The following IL1RAP variants were observed in gnomAD, a reference collection of about 807,000 sequenced individuals.
IL1RAP encodes interleukin 1 receptor accessory protein, also known as interleukin-1 receptor accessory protein.
IL1RAP carries 35 observed loss-of-function variants against 60.7 expected under a neutral mutation model. That is an observed-to-expected ratio of 0.58 (90% confidence interval 0.44 to 0.76). The LOEUF (loss-of-function observed/expected upper bound fraction) is 0.76, where lower values mean the gene tolerates loss of function less well. IL1RAP is among the 30% of genes least tolerant of loss of function. The pLI, the probability that IL1RAP is intolerant of heterozygous loss-of-function variation, is 0.00. For missense variants in IL1RAP, 572 were observed against 693.9 expected (o/e 0.82, Z 1.97); for synonymous variants, 268 against 250.9 (o/e 1.07, Z -0.64).
chr3:190,620,469 A>G, intron 6 of IL1RAP, 29 bp downstream of exon 6: 2 of 1,563,366 alleles, frequency 1.3e-6, no homozygotes, highest in Non-Finnish European at 1.7e-6. Context: ...CAGTACACAC[A>G]ACAAGCATGT....
At chr3:190,606,437 T>C (rs1329622671) in intron 4 of IL1RAP, among the ~76,000 whole-genome samples, 1 of 152,222 alleles carries the variant, frequency 6.6e-6, no homozygotes, top group African/African-American at 2.4e-5. Context: ...TTGATAACTG[T>C]TCATCTGTTA....
chr3:190,639,058 T>C lies in IL1RAP; in HGVS notation c.1052-5190T>C, dbSNP rs994284272. On this transcript the variant is annotated intron_variant, in intron 9 of 11. Coordinates refer to ENST00000447382, the MANE Select transcript of IL1RAP (RefSeq NM_002182.4). ...TGGCAGATTTTAAGATCACCTTTTCTTTATTGATTTTGAAAATCAAATTAT... is the reference window on the plus strand; with the variant it reads ...TGGCAGATTTTAAGATCACCTTTTCCTTATTGATTTTGAAAATCAAATTAT... 3.3e-5 allele frequency among the ~76,000 whole-genome samples: 5 copies of C among 152,220 alleles called. No individual in the cohort carries two copies. The East Asian group carries it at 9.6e-4, about 29-fold the overall frequency.
intron 10 of IL1RAP, among the ~76,000 whole-genome samples, 177 bp downstream of exon 10, chr3:190,644,574 C>T (rs889512140): frequency 6.6e-6 from 1 of 152,142 alleles, no homozygotes; most frequent in Non-Finnish European, 1.5e-5. Flanking sequence ...GATTATTATT[C>T]TATTTTCTTG....
At chr3:190,598,179 G>A (rs927367776) in intron 3 of IL1RAP, among the ~76,000 whole-genome samples, 4 of 152,164 alleles carry the variant, frequency 2.6e-5, no homozygotes, top group Non-Finnish European at 5.9e-5. Flanking sequence ...TCCAAAAAGT[G>A]CAGTCTTCAG....
At chr3:190,595,682 G>A (rs915274954) in intron 3 of IL1RAP, among the ~76,000 whole-genome samples, 1 of 152,160 alleles carries the variant, frequency 6.6e-6, no homozygotes, top group Admixed American at 6.5e-5. Flanking sequence ...ATCCGCATTG[G>A]TTTCTAGTTT....
intron 1 of IL1RAP, among the ~76,000 whole-genome samples, chr3:190,545,064 C>G (rs1315540203): frequency 6.6e-6 from 1 of 152,150 alleles, no homozygotes; most frequent in Admixed American, 6.5e-5. Context: ...CTCTATTTAC[C>G]TACCAGGATT....
chr3:190,588,869 C>T (rs370231807), intron 3 of IL1RAP, among the ~76,000 whole-genome samples: 10 of 152,268 alleles, frequency 6.6e-5, no homozygotes, highest in African/African-American at 2.4e-4. Flanking sequence ...TAACCCCTGA[C>T]ATACCAAGAG....
chr3:190,524,005 T>G (rs370036902), intron 1 of IL1RAP, among the ~76,000 whole-genome samples: 1 of 152,222 alleles, frequency 6.6e-6, no homozygotes, highest in African/African-American at 2.4e-5. Context: ...TGTTCCTTTT[T>G]CTCTGCAACC....
chr3:190,614,191 T>G (rs73062226), intron 5 of IL1RAP, among the ~76,000 whole-genome samples: 8,804 of 150,474 alleles, frequency 0.059, 435 homozygotes, highest in African/African-American at 0.13. Flanking sequence ...CATAGACTTA[T>G]TTGCATTACT....
chr3:190,561,000 C>T (rs950804124), intron 2 of IL1RAP, among the ~76,000 whole-genome samples: 2 of 152,068 alleles, frequency 1.3e-5, no homozygotes, highest in East Asian at 3.9e-4. Flanking sequence ...GTAAATTACA[C>T]GGATAATGCA....
intron 3 of IL1RAP, among the ~76,000 whole-genome samples, chr3:190,586,567 A>T (rs1235596993): frequency 1.3e-5 from 2 of 152,204 alleles, no homozygotes; most frequent in African/African-American, 4.8e-5. Flanking sequence ...GCAATAAGCA[A>T]CCTGACTCTA....
At chr3:190,615,442 A>G (rs2108779959) in intron 5 of IL1RAP, 1 of 441,328 alleles carries the variant, frequency 2.3e-6, no homozygotes, top group Admixed American at 2.9e-5. Flanking sequence ...ATATTACTGT[A>G]TTAATTCTCT....
intron 7 of IL1RAP, 48 bp downstream of exon 7, chr3:190,623,463 A>G: frequency 1.5e-6 from 2 of 1,290,526 alleles, no homozygotes; most frequent in Non-Finnish European, 1.1e-6. Flanking sequence ...TCTTAATTAC[A>G]AGGAATAAAA....
At chr3:190,576,396 ACG>A (rs1727450914) in intron 3 of IL1RAP, among the ~76,000 whole-genome samples, 1 of 152,016 alleles carries the variant, frequency 6.6e-6, no homozygotes, top group Non-Finnish European at 1.5e-5. Flanking sequence ...ACACACACAC[ACG>A]CACATTTTAA....
intron 3 of IL1RAP, among the ~76,000 whole-genome samples, chr3:190,574,890 C>T (rs1727300397): frequency 6.6e-6 from 1 of 152,148 alleles, no homozygotes; most frequent in African/African-American, 2.4e-5. Flanking sequence ...TTTAACCAAT[C>T]CATATTCATA....
intron 5 of IL1RAP, among the ~76,000 whole-genome samples, chr3:190,612,647 A>AT (rs1168593340): frequency 2.0e-5 from 3 of 152,020 alleles, no homozygotes; most frequent in Non-Finnish European, 4.4e-5. Context: ...TTGACTTAAG[A>AT]TTTTTCAACT....
downstream of IL1RAP, among the ~76,000 whole-genome samples, chr3:190,654,336 C>G (rs1368523351): frequency 6.6e-6 from 1 of 152,068 alleles, no homozygotes; most frequent in Non-Finnish European, 1.5e-5. Flanking sequence ...TTCATATTCT[C>G]TGATTTATGA....
chr3:190,566,422 G>A (rs780256864), intron 3 of IL1RAP, among the ~76,000 whole-genome samples: 2 of 152,070 alleles, frequency 1.3e-5, no homozygotes, highest in African/African-American at 2.4e-5. Context: ...ATGAGTGCTG[G>A]TGCCTTCCCA....
At chr3:190,601,047 C>T (rs1258143476) in intron 3 of IL1RAP, among the ~76,000 whole-genome samples, 6 of 152,134 alleles carry the variant, frequency 3.9e-5, no homozygotes, top group South Asian at 2.1e-4. Flanking sequence ...TGCAGTGGCA[C>T]GATCTCAGCT....
Sources: allele counts gnomAD v4.1 joint callset (sites outside exome capture counted in the v4.1 genomes callset), GRCh38; gene constraint gnomAD v4.1.1; transcripts MANE v1.5; gene names NCBI Gene and HGNC (gene_info 2026-07-23, HGNC 2026-07-21).